Variants in KCNIP4 observed in about 807,000 individuals in gnomAD.
The protein encoded by KCNIP4 is potassium voltage-gated channel interacting protein 4, also known as Kv channel-interacting protein 4.
Under a neutral mutation model 34.0 loss-of-function variants are expected in KCNIP4, and 12 were observed. That is an observed-to-expected ratio of 0.35 (90% CI 0.23 to 0.57). The LOEUF is 0.57. KCNIP4 is among the 20% of genes least tolerant of loss of function. The pLI is 0.83. For missense variants in KCNIP4, 238 were observed against 311.7 expected (o/e 0.76, Z 1.78); for synonymous variants, 124 against 102.2 (o/e 1.21, Z -1.29).
chr4:21,670,482 T>G, intron 1 of KCNIP4, among the ~76,000 whole-genome samples: 1 of 149,820 alleles, frequency 6.7e-6, no homozygotes. Flanking sequence ...GATGACGAGT[T>G]AGTGAGTGCA....
chr4:20,756,304 T>C (rs1399747996), intron 4 of KCNIP4, among the ~76,000 whole-genome samples: 1 of 152,170 alleles, frequency 6.6e-6, no homozygotes, highest in African/African-American at 2.4e-5. Flanking sequence ...CCCTCTTGTC[T>C]TGAGATAAAA....
intron 1 of KCNIP4, among the ~76,000 whole-genome samples, chr4:21,795,706 G>A (rs920147429): frequency 3.3e-5 from 5 of 152,096 alleles, no homozygotes; most frequent in African/African-American, 4.8e-5. Context: ...AAAAAGAGAT[G>A]CAAGGGTATA....
chr4:21,217,974 A>C (rs1321619727), intron 1 of KCNIP4, among the ~76,000 whole-genome samples: 1 of 141,830 alleles, frequency 7.1e-6, no homozygotes, highest in Non-Finnish European at 1.5e-5. Context: ...TTTGGTCACC[A>C]TCCCCCTGTA....
intron 1 of KCNIP4, among the ~76,000 whole-genome samples, chr4:21,215,962 T>G (rs1757547444): frequency 6.6e-6 from 1 of 152,034 alleles, no homozygotes; most frequent in Non-Finnish European, 1.5e-5. Context: ...ACCACAGGCA[T>G]GTGCCTTTTT....
intron 1 of KCNIP4, among the ~76,000 whole-genome samples, chr4:21,473,847 G>C (rs1730674139): frequency 6.6e-6 from 1 of 151,966 alleles, no homozygotes; most frequent in African/African-American, 2.4e-5. Flanking sequence ...CCCAAGAGCT[G>C]AGACTACAGA....
chr4:21,094,696 T>G (rs1206681788), intron 1 of KCNIP4, among the ~76,000 whole-genome samples: 2 of 152,204 alleles, frequency 1.3e-5, no homozygotes, highest in East Asian at 1.9e-4. Context: ...ATTTTGCAAC[T>G]TCTGCCGTGT....
chr4:21,377,982 C>T (rs1299926773), intron 1 of KCNIP4, among the ~76,000 whole-genome samples: 1 of 152,110 alleles, frequency 6.6e-6, no homozygotes, highest in Non-Finnish European at 1.5e-5. Flanking sequence ...CGGGTACTTG[C>T]TATTTAGGAT....
chr4:21,505,360 G>C (rs1209590049), intron 1 of KCNIP4, among the ~76,000 whole-genome samples: 2 of 151,908 alleles, frequency 1.3e-5, no homozygotes, highest in Non-Finnish European at 1.5e-5. Flanking sequence ...TGTGAGGCTG[G>C]CAAATTTCTA....
In KCNIP4 at chr4:21,096,312, AAT is replaced by A. The variant is rs1257528976; in HGVS notation, c.62-213605_62-213604del. On this transcript the variant is annotated intron_variant, in intron 1 of 8. Coordinates refer to ENST00000382152, the MANE Select transcript of KCNIP4 (RefSeq NM_025221.6). ...AAAAAAAATTCAGATCCTGAAAATCAATATGTTGTTGAATTCTAATTTTGTCT... is the reference window on the plus strand; with the variant it reads ...AAAAAAAATTCAGATCCTGAAAATCAATGTTGTTGAATTCTAATTTTGTCT... 2.0e-5 allele frequency among the ~76,000 whole-genome samples: 3 copies of A among 152,286 alleles called. No individual in the cohort carries two copies. In the East Asian group the frequency reaches 5.8e-4, roughly 29 times the overall value.
At chr4:21,092,453 A>G (rs968671728) in intron 1 of KCNIP4, among the ~76,000 whole-genome samples, 4 of 152,148 alleles carry the variant, frequency 2.6e-5, no homozygotes, top group African/African-American at 9.7e-5. Flanking sequence ...AGTGGTCAAT[A>G]TTGCTTTTCT....
chr4:21,068,662 A>G (rs958270427), intron 1 of KCNIP4, among the ~76,000 whole-genome samples: 1 of 152,114 alleles, frequency 6.6e-6, no homozygotes, highest in Non-Finnish European at 1.5e-5. Context: ...CTCCTCTTCA[A>G]TGAGGACTTT....
At chr4:21,542,181 G>A (rs1474276056) in intron 1 of KCNIP4, among the ~76,000 whole-genome samples, 2 of 152,214 alleles carry the variant, frequency 1.3e-5, no homozygotes, top group South Asian at 2.1e-4. Flanking sequence ...GGCTTCCACA[G>A]ATGTGTCTAC....
At chr4:21,345,130 G>A (rs1290872289) in intron 1 of KCNIP4, among the ~76,000 whole-genome samples, 1 of 152,100 alleles carries the variant, frequency 6.6e-6, no homozygotes, top group African/African-American at 2.4e-5. Context: ...TAAAAAGACT[G>A]TGGCTTCTGT....
chr4:20,853,976 C>A (rs772936084), intron 2 of KCNIP4, among the ~76,000 whole-genome samples: 2 of 151,926 alleles, frequency 1.3e-5, no homozygotes, highest in African/African-American at 2.4e-5. Flanking sequence ...TGGCCATAAT[C>A]AAAAAATCAA....
intron 1 of KCNIP4, among the ~76,000 whole-genome samples, chr4:21,039,042 G>T (rs536337154): frequency 6.6e-6 from 1 of 152,084 alleles, no homozygotes; most frequent in Non-Finnish European, 1.5e-5. Context: ...AGAGGCAGAC[G>T]TGGGATAGCT....
intron 1 of KCNIP4, among the ~76,000 whole-genome samples, chr4:20,995,212 A>G (rs1737437960): frequency 6.6e-6 from 1 of 152,136 alleles, no homozygotes; most frequent in Admixed American, 6.6e-5. Flanking sequence ...CTCCATGCCA[A>G]TTTTAGATTT....
intron 1 of KCNIP4, among the ~76,000 whole-genome samples, chr4:21,834,364 G>C (rs913851945): frequency 6.6e-6 from 1 of 152,122 alleles, no homozygotes; most frequent in Non-Finnish European, 1.5e-5. Context: ...ATTGTGAATG[G>C]GAGTTCACTC....
At chr4:21,153,635 C>A (rs1194433828) in intron 1 of KCNIP4, among the ~76,000 whole-genome samples, 1 of 151,824 alleles carries the variant, frequency 6.6e-6, no homozygotes, top group South Asian at 2.1e-4. Flanking sequence ...TGGACAACAA[C>A]ATGCAAATCA....
chr4:20,832,940 G>T (rs13101764), intron 3 of KCNIP4, among the ~76,000 whole-genome samples: 2,870 of 152,196 alleles, frequency 0.019, 32 homozygotes, highest in Middle Eastern at 0.037. Context: ...TTTATTATTT[G>T]GAGATTATAT....
Sources: allele counts gnomAD v4.1 joint callset (sites outside exome capture counted in the v4.1 genomes callset), GRCh38; gene constraint gnomAD v4.1.1; transcripts MANE v1.5; gene names NCBI Gene and HGNC (gene_info 2026-07-23, HGNC 2026-07-21).